The following PCDH9 variants were observed in gnomAD, a reference collection of about 807,000 sequenced individuals.
The protein encoded by PCDH9 is protocadherin 9, also known as protocadherin-9.
Under a neutral mutation model 70.6 loss-of-function variants are expected in PCDH9, and 24 were observed. That is an observed-to-expected ratio of 0.34 (90% CI 0.25 to 0.48). The LOEUF (loss-of-function observed/expected upper bound fraction) is 0.48, where lower values mean the gene tolerates loss of function less well. PCDH9 is among the 20% of genes least tolerant of loss of function. The pLI, the probability that PCDH9 is intolerant of heterozygous loss-of-function variation, is 0.99. For missense variants in PCDH9, 1,281 were observed against 1,503.6 expected (o/e 0.85, Z 2.45); for synonymous variants, 562 against 558.5 (o/e 1.01, Z -0.09).
chr13:67,100,523 C>T (rs1566424856), intron 2 of PCDH9, among the ~76,000 whole-genome samples: 1 of 152,086 alleles, frequency 6.6e-6, no homozygotes, highest in Non-Finnish European at 1.5e-5. Context: ...TCATAAATTG[C>T]ATGTATATAC....
At chr13:67,160,570 A>G (rs1436455241) in intron 2 of PCDH9, among the ~76,000 whole-genome samples, 2 of 62,000 alleles carry the variant, frequency 3.2e-5, no homozygotes, top group African/African-American at 1.1e-4. Context: ...GATATACTCA[A>G]AGGCTATTTT....
intron 4 of PCDH9, among the ~76,000 whole-genome samples, chr13:66,580,428 G>A (rs1288462588): frequency 1.3e-5 from 2 of 151,848 alleles, no homozygotes; most frequent in Non-Finnish European, 2.9e-5. Flanking sequence ...ATAAGTATAT[G>A]TCTGTTATCA....
chr13:66,769,342 CT>C (rs2079767752), intron 3 of PCDH9, among the ~76,000 whole-genome samples: 1 of 152,144 alleles, frequency 6.6e-6, no homozygotes, highest in South Asian at 2.1e-4. Flanking sequence ...CCATCATAAA[CT>C]GCTTTTTTCA....
intron 3 of PCDH9, among the ~76,000 whole-genome samples, chr13:66,848,819 A>T (rs987314627): frequency 5.9e-5 from 9 of 151,288 alleles, no homozygotes; most frequent in Non-Finnish European, 1.2e-4. Flanking sequence ...TCCCAGCTAC[A>T]CGGGAGGCTG....
intron 4 of PCDH9, among the ~76,000 whole-genome samples, chr13:66,446,022 A>G (rs1958081956): frequency 6.6e-6 from 1 of 151,856 alleles, no homozygotes. Context: ...CTTTCAAACT[A>G]TTTAAAAATA....
intron 4 of PCDH9, among the ~76,000 whole-genome samples, chr13:66,534,236 T>G (rs537868195): frequency 6.6e-6 from 1 of 152,126 alleles, no homozygotes; most frequent in Non-Finnish European, 1.5e-5. Flanking sequence ...ACTCTAGTTT[T>G]ATAAAGATGG....
intron 4 of PCDH9, among the ~76,000 whole-genome samples, chr13:66,382,104 A>G (rs987047350): frequency 1.1e-4 from 16 of 152,202 alleles, no homozygotes; most frequent in African/African-American, 3.9e-4. Flanking sequence ...GGGTAGATGA[A>G]TAGAGGAAAA....
At chr13:67,126,722 T>C (rs993141963) in intron 2 of PCDH9, among the ~76,000 whole-genome samples, 1 of 152,138 alleles carries the variant, frequency 6.6e-6, no homozygotes, top group Non-Finnish European at 1.5e-5. Flanking sequence ...TGGTGGCACA[T>C]GCCTGTAAGC....
chr13:67,133,112 C>T (rs553934652), intron 2 of PCDH9, among the ~76,000 whole-genome samples: 2 of 152,188 alleles, frequency 1.3e-5, no homozygotes, highest in South Asian at 4.1e-4. Flanking sequence ...TTCCTGTGCT[C>T]ATACAATCTA....
intron 2 of PCDH9, among the ~76,000 whole-genome samples, chr13:67,077,129 T>C (rs567191571): frequency 1.4e-3 from 214 of 152,248 alleles, no homozygotes; most frequent in African/African-American, 5.0e-3. Flanking sequence ...AAAAATGACC[T>C]TTAATTTTGT....
At chr13:66,906,658 C>A (rs1487656142) in intron 2 of PCDH9, among the ~76,000 whole-genome samples, 1 of 152,140 alleles carries the variant, frequency 6.6e-6, no homozygotes, top group Non-Finnish European at 1.5e-5. Context: ...AGGAAAATTT[C>A]TAACTTACTG....
intron 2 of PCDH9, among the ~76,000 whole-genome samples, chr13:67,123,610 A>T (rs1389122412): frequency 6.6e-6 from 1 of 152,180 alleles, no homozygotes; most frequent in African/African-American, 2.4e-5. Context: ...TGAAAGTAGG[A>T]TTAGAAGAGA....
intron 4 of PCDH9, among the ~76,000 whole-genome samples, chr13:66,593,341 G>A (rs546038906): frequency 1.3e-5 from 2 of 151,718 alleles, no homozygotes; most frequent in East Asian, 1.9e-4. Context: ...GACATGGAAT[G>A]CAATGAATTG....
intron 2 of PCDH9, among the ~76,000 whole-genome samples, chr13:66,982,184 C>A (rs1027695723): frequency 6.6e-6 from 1 of 152,204 alleles, no homozygotes; most frequent in Non-Finnish European, 1.5e-5. Context: ...CGCCTTCCAC[C>A]GTGAGTAAAA....
At chr13:67,013,539 A>G (rs1375477660) in intron 2 of PCDH9, among the ~76,000 whole-genome samples, 1 of 151,956 alleles carries the variant, frequency 6.6e-6, no homozygotes, top group African/African-American at 2.4e-5. Context: ...TGTCAATTAA[A>G]TTTTTGATTT....
chr13:66,499,339 A>T, intron 4 of PCDH9, among the ~76,000 whole-genome samples: 2 of 152,304 alleles, frequency 1.3e-5, no homozygotes, highest in Admixed American at 1.3e-4. Context: ...AATTTCTAAG[A>T]TATACATACT....
chr13:66,501,870 G>GT lies in PCDH9; in HGVS notation c.3340+129339dup, dbSNP rs530885218. On this transcript the variant is annotated intron_variant, in intron 4 of 4. Transcript: ENST00000377865. ...GACTTAAAAACTAGAGCCATAGTTA[G>GT]TTTTTTTCTGACAAAACTCTGTAAT... Among the ~76,000 whole-genome samples, 357 of 152,142 alleles carry GT rather than the reference G, an allele frequency of 2.3e-3. 4 individuals are homozygous for GT. Among genetic ancestry groups the GT allele is most frequent in the African/African-American group, 8.3e-3 (343 of 41,546 alleles).
At chr13:67,149,315 T>C (rs2138380891) in intron 2 of PCDH9, among the ~76,000 whole-genome samples, 1 of 152,336 alleles carries the variant, frequency 6.6e-6, no homozygotes, top group African/African-American at 2.4e-5. Context: ...CTTTACTTCC[T>C]ATGCGTGTCA....
intron 2 of PCDH9, among the ~76,000 whole-genome samples, chr13:67,188,780 A>T (rs775069238): frequency 8.6e-5 from 13 of 151,992 alleles, no homozygotes; most frequent in Non-Finnish European, 1.8e-4. Context: ...GCTGTAATAG[A>T]TCTTTAATTT....
Sources: allele counts gnomAD v4.1 joint callset (sites outside exome capture counted in the v4.1 genomes callset), GRCh38; gene constraint gnomAD v4.1.1; transcripts MANE v1.5; gene names NCBI Gene and HGNC (gene_info 2026-07-23, HGNC 2026-07-21).